Variants in KAT6B observed in about 807,000 individuals in gnomAD.
KAT6B encodes the protein lysine acetyltransferase 6B, also known as histone acetyltransferase KAT6B.
KAT6B carries 10 observed loss-of-function variants against 187.5 expected under a neutral mutation model. That is an observed-to-expected ratio of 0.05 (90% CI 0.03 to 0.09). KAT6B has a LOEUF of 0.09. Ranked by LOEUF, KAT6B falls within the 10% of genes least tolerant of loss-of-function variation. The probability of loss-of-function intolerance (pLI) is 1.00; values close to 1 mark genes in which losing one functional copy is unlikely to be tolerated. For synonymous variants in KAT6B, 861 were observed against 926.8 expected, an observed-to-expected ratio of 0.93 and a Z score of 1.29; for missense variants, 1,952 against 2,558.9, an observed-to-expected ratio of 0.76 and a Z score of 5.12.
intron 13 of KAT6B, among the ~76,000 whole-genome samples, chr10:74,998,190 G>A (rs1355707815): frequency 1.9e-5 from 2 of 105,428 alleles, no homozygotes; most frequent in African/African-American, 7.7e-5. Context: ...TGGAGCTCAA[G>A]CATTTCTCCT....
chr10:75,015,208 A>G (rs1160697385), intron 13 of KAT6B, among the ~76,000 whole-genome samples: 1 of 152,218 alleles, frequency 6.6e-6, no homozygotes, highest in African/African-American at 2.4e-5. Flanking sequence ...TGTCATGCCC[A>G]TAGGACTTAT....
intron 12 of KAT6B, among the ~76,000 whole-genome samples, 181 bp from the exon 13 acceptor site, chr10:74,988,838 G>A (rs534175385): frequency 1.3e-5 from 2 of 152,216 alleles, no homozygotes; most frequent in Non-Finnish European, 2.9e-5. Context: ...GCATGTCAGA[G>A]TCGATGGTTT....
chr10:74,918,896 A>G (rs2133032526), intron 3 of KAT6B, among the ~76,000 whole-genome samples: 1 of 152,144 alleles, frequency 6.6e-6, no homozygotes, highest in South Asian at 2.1e-4. Flanking sequence ...ATCTCAGGTA[A>G]TTGTCTTTTC....
At chr10:75,013,472 A>G (rs1348147618) in intron 13 of KAT6B, among the ~76,000 whole-genome samples, 1 of 152,010 alleles carries the variant, frequency 6.6e-6, no homozygotes, top group African/African-American at 2.4e-5. Flanking sequence ...AGTTCATGGA[A>G]TGGTTTTTAG....
intron 3 of KAT6B, among the ~76,000 whole-genome samples, chr10:74,863,013 C>G (rs1024379698): frequency 6.6e-6 from 1 of 152,194 alleles, no homozygotes; most frequent in African/African-American, 2.4e-5. Flanking sequence ...CTTTGTGGCT[C>G]CTTCCACCCC....
chr10:74,889,193 A>C (rs958352489), intron 3 of KAT6B, among the ~76,000 whole-genome samples: 1 of 152,228 alleles, frequency 6.6e-6, no homozygotes, highest in Non-Finnish European at 1.5e-5. Context: ...TATGTTGTCA[A>C]ATTTTTTTTA....
intron 13 of KAT6B, among the ~76,000 whole-genome samples, chr10:75,013,624 C>T (rs1159686951): frequency 1.3e-5 from 2 of 152,170 alleles, no homozygotes; most frequent in African/African-American, 4.8e-5. Flanking sequence ...AAATGATCAC[C>T]TTGAGACTTG....
At chr10:74,964,838 T>C (rs1322330454) in intron 4 of KAT6B, among the ~76,000 whole-genome samples, 2 of 152,196 alleles carry the variant, frequency 1.3e-5, no homozygotes, top group Admixed American at 6.5e-5. Context: ...CTCTGTCCTA[T>C]TCTTTCACAC....
At chr10:74,929,019 T>G (rs1402421493) in intron 3 of KAT6B, among the ~76,000 whole-genome samples, 1 of 152,218 alleles carries the variant, frequency 6.6e-6, no homozygotes, top group African/African-American at 2.4e-5. Flanking sequence ...TAGTGATTTA[T>G]AATTAATTAG....
intron 3 of KAT6B, among the ~76,000 whole-genome samples, chr10:74,958,805 T>C (rs7069612): frequency 1 from 152,024 of 152,042 alleles, 76,003 homozygotes; most frequent in Middle Eastern, 1. Context: ...TTTGGGAGGC[T>C]GAGGCGGGCG....
At chr10:74,916,669 ATTC>A (rs1847709692) in intron 3 of KAT6B, among the ~76,000 whole-genome samples, 1 of 152,220 alleles carries the variant, frequency 6.6e-6, no homozygotes, top group Non-Finnish European at 1.5e-5. Flanking sequence ...TTTGGTGGGC[ATTC>A]TTCTTAATTA....
At chr10:75,008,959 T>C (rs1340462786) in intron 13 of KAT6B, among the ~76,000 whole-genome samples, 1 of 152,184 alleles carries the variant, frequency 6.6e-6, no homozygotes, top group Non-Finnish European at 1.5e-5. Flanking sequence ...TGTATCTCAA[T>C]CTCCATTCTC....
rs1410681146 is a variant in KAT6B at position 75,030,603 on chromosome 10, A to G, written c.5779A>G (p.Thr1927Ala). The change falls in exon 18 of 18, where the codon ACC becomes GCC. Residue 1927 changes from threonine to alanine, a missense_variant. By Grantham distance (58) the Thr-to-Ala change is moderately conservative. Transcript: ENST00000287239. The surrounding 1 kb of genome is among the most constrained non-coding windows in gnomAD (Gnocchi z 4.8). The stretch of plus-strand genomic sequence containing the variant: ...CAGCAAGGGCCACATCTCCATGAGA[A>G]CCAAGTCAGCGTCTCTGTCACCAGC... Reference protein sequence around the residue: ...IASKGHISMRTKSASLSPAAA... With the variant: ...IASKGHISMRAKSASLSPAAA... The G allele has an allele frequency of 6.2e-7, 1 of 1,612,664 alleles. No individual in the cohort carries two copies. The highest frequency in any genetic ancestry group is 1.7e-5 in the Admixed American group (1 of 60,014).
intron 3 of KAT6B, among the ~76,000 whole-genome samples, chr10:74,887,955 C>G (rs936787005): frequency 9.2e-5 from 14 of 152,158 alleles, no homozygotes; most frequent in African/African-American, 3.4e-4. Flanking sequence ...CACTGCAGCC[C>G]AGCCTGGTTG....
chr10:74,887,536 G>A (rs1427552212), intron 3 of KAT6B, among the ~76,000 whole-genome samples: 1 of 151,946 alleles, frequency 6.6e-6, no homozygotes, highest in African/African-American at 2.4e-5. Context: ...TGTTGGCCAG[G>A]CTGGTCCTGA....
chr10:75,007,750 C>T (rs542311934), intron 13 of KAT6B, among the ~76,000 whole-genome samples: 47 of 152,196 alleles, frequency 3.1e-4, no homozygotes, highest in African/African-American at 1.1e-3. Flanking sequence ...TTTTAGAAAG[C>T]AATCATCTTA....
chr10:74,940,592 C>T (rs10824248), intron 3 of KAT6B, among the ~76,000 whole-genome samples: 45,148 of 132,204 alleles, frequency 0.34, 12,415 homozygotes, highest in African/African-American at 0.74. Flanking sequence ...TTTTTTTTTT[C>T]TTTCTTTAAA....
chr10:75,023,633 T>A (rs981344991), intron 16 of KAT6B: 7 of 152,166 alleles, frequency 4.6e-5, no homozygotes, highest in African/African-American at 1.7e-4. Flanking sequence ...TAACCGTAAA[T>A]GTTTAATTAC....
At chr10:74,912,405 A>G (rs1043990869) in intron 3 of KAT6B, among the ~76,000 whole-genome samples, 10 of 152,074 alleles carry the variant, frequency 6.6e-5, no homozygotes, top group African/African-American at 2.4e-4. Flanking sequence ...AGATAGATAG[A>G]TAGATAGAAA....
Sources: gnomAD v4.1 joint callset for allele counts (sites outside exome capture counted in the v4.1 genomes callset) on GRCh38, gnomAD v4.1.1 for gene constraint, Gnocchi (gnomAD v3.1) non-coding constraint, MANE v1.5 for transcripts, NCBI Gene and HGNC (gene_info 2026-07-23, HGNC 2026-07-21) for gene names.